EMB: variants seen among roughly 807,000 people sequenced by gnomAD.
EMB encodes embigin.
In EMB, 31 loss-of-function variants were observed where a neutral mutation model predicts 41.4. The ratio of observed to expected loss-of-function variants is 0.75; its 90% CI spans 0.56 to 1.01. EMB has a LOEUF of 1.01. Ranked by LOEUF, EMB falls within the 50% of genes least tolerant of loss-of-function variation. EMB has a pLI of 0.00. For missense variants in EMB, 379 were observed against 388.3 expected (o/e 0.98, Z 0.20); for synonymous variants, 137 against 140.4 (o/e 0.98, Z 0.17).
intron 8 of EMB, among the ~76,000 whole-genome samples, chr5:50,399,630 C>A (rs1745127255): frequency 1.3e-5 from 2 of 151,892 alleles, no homozygotes; most frequent in Non-Finnish European, 2.9e-5. Flanking sequence ...GTAGCCAGTG[C>A]AAAAGATTTA....
intron 1 of EMB, chr5:50,428,556 T>A (rs1745660997): frequency 1.0e-5 from 10 of 999,478 alleles, no homozygotes; most frequent in Non-Finnish European, 1.1e-5. Flanking sequence ...AGGAATCAGA[T>A]GAGAGAGCCA....
intron 2 of EMB, among the ~76,000 whole-genome samples, chr5:50,416,856 T>C (rs1307041848): frequency 6.6e-6 from 1 of 152,130 alleles, no homozygotes. Flanking sequence ...GAAGTTACCA[T>C]CCCTTTCCAT....
chr5:50,441,933 T>A (rs1320805334), upstream of EMB, among the ~76,000 whole-genome samples: 1 of 152,094 alleles, frequency 6.6e-6, no homozygotes, highest in Non-Finnish European at 1.5e-5. Context: ...TGACCTTTGT[T>A]AAATCCGAAC....
At chr5:50,429,095 C>T (rs1391174126) in intron 1 of EMB, among the ~76,000 whole-genome samples, 1 of 152,090 alleles carries the variant, frequency 6.6e-6, no homozygotes, top group Non-Finnish European at 1.5e-5. Context: ...GGGGTTTCAC[C>T]ATGTTGGCCA....
intron 5 of EMB, 101 bp downstream of exon 5, chr5:50,405,624 A>G: frequency 7.0e-7 from 1 of 1,433,294 alleles, no homozygotes; most frequent in Non-Finnish European, 9.2e-7. Flanking sequence ...TAACAAAAGT[A>G]TAAATCATCT....
At position 50,397,257 on chromosome 5, in the gene EMB, T is replaced by C. The variant is rs568602419; in HGVS notation, c.*2016A>G. ...ATGGAAGCAGATTAAAATCCAACAG[T>C]GGTAATTTTCTGGAAGTCCTCCAGA... is the stretch of plus-strand genomic sequence containing the variant. On this transcript the variant is annotated 3_prime_UTR_variant, in exon 9 of 9. Transcript: ENST00000303221. The C allele has an allele frequency of 2.6e-5, 4 of 152,208 alleles. No homozygotes were observed. The highest frequency in any genetic ancestry group is 9.6e-5 in the African/African-American group (4 of 41,556). 9.4% of individuals were successfully genotyped at this position (152,208 alleles called of 1,614,324 possible). A position where few individuals can be genotyped will look rare whatever the true frequency, so the allele number is the denominator to read the frequency against.
In EMB at chr5:50,396,483, G is replaced by C. The variant is rs946622349; in HGVS notation, c.*2790C>G. 2.0e-5 allele frequency: 3 copies of C among 152,074 alleles called. No individual in the cohort carries two copies. Among genetic ancestry groups the C allele is most frequent in the African/African-American group, 7.2e-5 (3 of 41,414 alleles). 9.4% of individuals were successfully genotyped at this position (152,074 alleles called of 1,614,324 possible). On this transcript the variant is annotated 3_prime_UTR_variant, in exon 9 of 9. Transcript: ENST00000303221. ...TATTTAAGCATGTAAGATGGTACAT[G>C]CTCTACCAGGTATGGGGGCTTCTCT...
chr5:50,429,815 C>G (rs1745682959), intron 1 of EMB, among the ~76,000 whole-genome samples: 1 of 152,124 alleles, frequency 6.6e-6, no homozygotes, highest in Non-Finnish European at 1.5e-5. Flanking sequence ...CCTCCAGTCA[C>G]ATCTAGTATT....
chr5:50,400,069 T>A (rs1039629318), intron 7 of EMB, among the ~76,000 whole-genome samples, 156 bp from the exon 8 acceptor site: 11 of 152,064 alleles, frequency 7.2e-5, no homozygotes, highest in Non-Finnish European at 1.3e-4. Flanking sequence ...GTTGAATTTA[T>A]TTTATGGCAT....
At chr5:50,404,843 C>T (rs919224925) in intron 5 of EMB, among the ~76,000 whole-genome samples, 4 of 151,914 alleles carry the variant, frequency 2.6e-5, no homozygotes, top group African/African-American at 9.7e-5. Context: ...CCTGTTAGCA[C>T]AGAATAAGTC....
intron 1 of EMB, among the ~76,000 whole-genome samples, chr5:50,432,477 C>A (rs766042039): frequency 1.1e-4 from 17 of 151,980 alleles, no homozygotes; most frequent in Non-Finnish European, 2.2e-4. Flanking sequence ...TATATTTCTT[C>A]ATGGAAGCAA....
At chr5:50,399,425 C>T in intron 8 of EMB, 135 bp from the exon 9 acceptor site, 1 of 1,289,070 alleles carries the variant, frequency 7.8e-7, no homozygotes, top group Non-Finnish European at 1.0e-6. Context: ...AGCTCCTACT[C>T]TAATGTTGAT....
At chr5:50,420,413 C>T (rs556533197) in intron 2 of EMB, among the ~76,000 whole-genome samples, 11 of 152,204 alleles carry the variant, frequency 7.2e-5, no homozygotes, top group Admixed American at 1.3e-4. Flanking sequence ...TTCTAAGGTG[C>T]TAACCATGCA....
chr5:50,431,968 G>T (rs1745727362), intron 1 of EMB, among the ~76,000 whole-genome samples: 1 of 152,090 alleles, frequency 6.6e-6, no homozygotes. Context: ...AAAATGTGTT[G>T]CTAGAAGGGC....
chr5:50,422,738 A>G (rs142414574), intron 2 of EMB, among the ~76,000 whole-genome samples: 143 of 152,324 alleles, frequency 9.4e-4, no homozygotes, highest in Non-Finnish European at 5.1e-4. Context: ...GTGGGAAAAA[A>G]TATTCGCAAC....
intron 4 of EMB, among the ~76,000 whole-genome samples, chr5:50,407,949 G>A (rs1461686037): frequency 1.3e-5 from 2 of 151,926 alleles, no homozygotes; most frequent in Non-Finnish European, 2.9e-5. Context: ...GAACAAATTG[G>A]CCTAAATGTC....
At chr5:50,399,767 T>C (rs1200058341) in intron 8 of EMB, 92 bp downstream of exon 8, 2 of 997,026 alleles carry the variant, frequency 2.0e-6, no homozygotes, top group Non-Finnish European at 3.1e-6. Flanking sequence ...ACCAGATCTT[T>C]TATGGAACTA....
At chr5:50,441,976 T>A (rs904611739), upstream of EMB, among the ~76,000 whole-genome samples, 7 of 152,204 alleles carry the variant, frequency 4.6e-5, no homozygotes, top group Non-Finnish European at 7.3e-5. Flanking sequence ...CCCACAAGGC[T>A]GTAGCTTGGA....
In EMB at chr5:50,403,143, T is replaced by TAA. The variant is rs201510379; in HGVS notation, c.877+33_877+34dup. Reference sequence around the variant, plus strand: ...CTTATAATTAACTGATAATACTTTCTAAAAAAAACAAAAAACAAAAAAAAG... The same window carrying TAA: ...CTTATAATTAACTGATAATACTTTCTAAAAAAAAAACAAAAAACAAAAAAAAG... On this transcript the variant is annotated intron_variant, in intron 6 of 8. Transcript: ENST00000303221. The TAA allele has an allele frequency of 3.6e-3, 4,652 of 1,291,922 alleles. 4 individuals carry two copies. Among genetic ancestry groups the TAA allele is most frequent in the South Asian group, 8.3e-3 (561 of 67,270 alleles). The allele number at this position is 1,291,922 out of a possible 1,614,324, so 80.0% of individuals were successfully genotyped here.
Sources: gnomAD v4.1 joint callset for allele counts (sites outside exome capture counted in the v4.1 genomes callset) on GRCh38, gnomAD v4.1.1 for gene constraint, MANE v1.5 for transcripts, NCBI Gene and HGNC (gene_info 2026-07-23, HGNC 2026-07-21) for gene names.